Variants in HJURP observed in about 807,000 individuals in gnomAD.
The protein encoded by HJURP is Holliday junction recognition protein.
Under a neutral mutation model 72.0 loss-of-function variants are expected in HJURP, and 49 were observed. The observed-to-expected ratio is 0.68, with a 90% CI of 0.54 to 0.86. The LOEUF (loss-of-function observed/expected upper bound fraction) is 0.86, where lower values mean the gene tolerates loss of function less well. HJURP is among the 40% of genes least tolerant of loss of function. The pLI, the probability that HJURP is intolerant of heterozygous loss-of-function variation, is 0.00. For missense variants in HJURP, 908 were observed against 936.3 expected (o/e 0.97, Z 0.39); for synonymous variants, 357 against 347.1 (o/e 1.03, Z -0.32).
intron 5 of HJURP, 63 bp downstream of exon 5, chr2:233,847,334 T>A: frequency 7.6e-7 from 1 of 1,317,788 alleles, no homozygotes; most frequent in African/African-American, 1.4e-5. Flanking sequence ...CACATGGGCT[T>A]TGATGGACCC....
chr2:233,838,855 A>G (rs1205296922), intron 8 of HJURP, among the ~76,000 whole-genome samples: 1 of 152,168 alleles, frequency 6.6e-6, no homozygotes, highest in African/African-American at 2.4e-5. Flanking sequence ...GCTGAAAGTC[A>G]CCCGGCTGGT....
intron 6 of HJURP, among the ~76,000 whole-genome samples, chr2:233,844,612 C>G (rs576888225): frequency 1.3e-5 from 2 of 152,128 alleles, no homozygotes; most frequent in South Asian, 2.1e-4. Context: ...GCCAACCGGA[C>G]GGTGGACAAA....
rs3841510 is a variant in HJURP at position 233,846,018 on chromosome 2, G to GACACAC, written c.403-204_403-199dup. 1.4e-5 allele frequency: 7 copies of GACACAC among 486,860 alleles called. No homozygotes were observed. The highest frequency in any genetic ancestry group is 1.1e-4 in the African/African-American group (5 of 47,272). The allele number at this position is 486,860 out of a possible 1,614,324, so 30.2% of individuals were successfully genotyped here. A position where few individuals can be genotyped will look rare whatever the true frequency, so the allele number is the denominator to read the frequency against. On this transcript the variant is annotated intron_variant, in intron 5 of 8. Transcript: ENST00000411486. The surrounding 1 kb of genome is among the most constrained non-coding windows in gnomAD (Gnocchi z 4.3). ...TTAATAATCCAAAAGAATGTAAAAA[G>GACACAC]ACACACACACACAAAAAAACCATGT...
chr2:233,844,644 G>C (rs192684968), intron 6 of HJURP, among the ~76,000 whole-genome samples: 1 of 152,276 alleles, frequency 6.6e-6, no homozygotes, highest in East Asian at 1.9e-4. Flanking sequence ...AGATCCGTTC[G>C]TTCCTAACCC....
In HJURP at chr2:233,841,374, C is replaced by G. The variant is rs780528833; in HGVS notation, c.1406G>C (p.Gly469Ala). Residue 469 changes from glycine to alanine, a missense_variant, in exon 8 of 9, where the codon GGG (glycine) becomes GCG (alanine). This residue lies in a region of HJURP where 598 missense variants were observed against 619.5 expected (regional missense o/e 0.97). Transcript: ENST00000411486. Reference sequence around the variant, plus strand: ...AAGGCCACCAGGACTCGCAGGACCCCCTCTGTACATGTTCATGGCCCAGGA... The same window carrying G: ...AAGGCCACCAGGACTCGCAGGACCCGCTCTGTACATGTTCATGGCCCAGGA... ...PDSWAMNMYR[G>A]GPASPGGLQG... 90 of 1,614,024 alleles carry G rather than the reference C, an allele frequency of 5.6e-5. No homozygotes were observed. The highest frequency in any genetic ancestry group is 7.3e-5 in the Non-Finnish European group (86 of 1,180,026).
intron 7 of HJURP, 146 bp from the exon 8 acceptor site, chr2:233,842,351 A>C (rs1574643700): frequency 1.6e-6 from 1 of 633,340 alleles, no homozygotes. Context: ...GTAGGAGTAG[A>C]CTCTTCTCAG....
At chr2:233,852,645 C>T (rs1346019546) in intron 2 of HJURP, 25 bp from the exon 3 acceptor site, 4 of 1,548,866 alleles carry the variant, frequency 2.6e-6, no homozygotes, top group South Asian at 1.1e-5. Flanking sequence ...CAAAAATGAC[C>T]ATTTACATAA....
chr2:233,837,617 C>G lies in HJURP; in HGVS notation c.2207G>C (p.Ser736Thr). The G allele has an allele frequency of 1.2e-6, 2 of 1,611,590 alleles. No homozygotes were observed. Among genetic ancestry groups the G allele is most frequent in the Non-Finnish European group, 1.7e-6 (2 of 1,178,430 alleles). The change falls in exon 9 of 9, where the codon AGT (serine) becomes ACT (threonine). Residue 736 changes from serine (S) to threonine (T), a missense_variant. This residue lies in a region of HJURP where 598 missense variants were observed against 619.5 expected (regional missense o/e 0.97). Coordinates refer to ENST00000411486, the MANE Select transcript of HJURP (RefSeq NM_018410.5). ...ENTSYRMEEKSDFMLEKLETK... is the reference protein window; with the variant it reads ...ENTSYRMEEKTDFMLEKLETK... ...TTCCAATTTTTCTAGCATGAAATCA[C>G]TTTTCTCTTCCATCCTGTAAGACGT...
At chr2:233,838,572 A>G (rs1359062173) in intron 8 of HJURP, among the ~76,000 whole-genome samples, 1 of 152,060 alleles carries the variant, frequency 6.6e-6, no homozygotes, top group Admixed American at 6.5e-5. Flanking sequence ...TAAAAGGAAG[A>G]GCTGGGGCAC....
At chr2:233,839,361 G>A (rs1574639765) in intron 8 of HJURP, among the ~76,000 whole-genome samples, 1 of 152,334 alleles carries the variant, frequency 6.6e-6, no homozygotes, top group Non-Finnish European at 1.5e-5. Flanking sequence ...GATGTCCGAG[G>A]ATGCAATAGC....
At chr2:233,852,365 TAC>T (rs1358523490) in intron 3 of HJURP, among the ~76,000 whole-genome samples, 198 bp downstream of exon 3, 1 of 152,208 alleles carries the variant, frequency 6.6e-6, no homozygotes, top group East Asian at 1.9e-4. Flanking sequence ...GGCCAAATAT[TAC>T]ACAGTGACTC....
intron 3 of HJURP, among the ~76,000 whole-genome samples, chr2:233,852,001 G>A (rs1409114586): frequency 1.3e-5 from 2 of 152,116 alleles, no homozygotes; most frequent in African/African-American, 4.8e-5. Flanking sequence ...CCGTAGAAAG[G>A]CCAACAGCAC....
rs1388542411 is a variant in HJURP, at chr2:233,845,827, A to G, written c.403-7T>C. 6.3e-7 allele frequency: 1 copy of G among 1,597,354 alleles called. No homozygotes were observed. The highest frequency in any genetic ancestry group is 1.7e-5 in the Admixed American group (1 of 58,090). On this transcript the variant is annotated splice_region_variant and splice_polypyrimidine_tract_variant and intron_variant, in intron 5 of 8. Transcript: ENST00000411486. Reference sequence around the variant, plus strand: ...GGCTTTGAGGCACTGCAGGCTGATCAAAAAAGAGAAGTCAGAATTTTTAAG... The same window carrying G: ...GGCTTTGAGGCACTGCAGGCTGATCGAAAAAGAGAAGTCAGAATTTTTAAG...
chr2:233,849,347 G>C (rs1198746853), intron 4 of HJURP, among the ~76,000 whole-genome samples: 2 of 152,186 alleles, frequency 1.3e-5, no homozygotes, highest in South Asian at 2.1e-4. Context: ...AGATTCCCTA[G>C]AAAAGAGGAC....
intron 2 of HJURP, among the ~76,000 whole-genome samples, chr2:233,852,894 G>A (rs1292980967): frequency 6.6e-6 from 1 of 152,190 alleles, no homozygotes; most frequent in African/African-American, 2.4e-5. Flanking sequence ...AGGAACATAT[G>A]ACAGCGACTG....
At chr2:233,852,011 C>A (rs1178207655) in intron 3 of HJURP, among the ~76,000 whole-genome samples, 1 of 152,154 alleles carries the variant, frequency 6.6e-6, no homozygotes, top group Non-Finnish European at 1.5e-5. Context: ...GCCAACAGCA[C>A]CTTCCACTAA....
Position 233,854,526 on chromosome 2 carries a change from A to T in HJURP, c.-26T>A. 6.5e-7 allele frequency: 1 copy of T among 1,545,022 alleles called. No individual in the cohort carries two copies. The highest frequency in any genetic ancestry group is 8.9e-7 in the Non-Finnish European group (1 of 1,126,440). The stretch of plus-strand genomic sequence containing the variant: ...CGGACCCAGCCAGTACCCAAGCGCC[A>T]ACCCGGACTGCAGGGCCTCGCGCGC... On this transcript the variant is annotated 5_prime_UTR_variant, in exon 1 of 9. Coordinates refer to ENST00000411486, the MANE Select transcript of HJURP (RefSeq NM_018410.5).
chr2:233,847,505 G>A, intron 4 of HJURP, 44 bp from the exon 5 acceptor site: 1 of 1,525,406 alleles, frequency 6.6e-7, no homozygotes, highest in Admixed American at 1.7e-5. Flanking sequence ...TTTCAGGAAG[G>A]AGTGCATTTT....
rs1301766406 is a variant in HJURP at position 233,836,864 on chromosome 2, C to T, written c.*713G>A. 1 of 152,200 alleles carries T rather than the reference C, an allele frequency of 6.6e-6. No homozygotes were observed. Among genetic ancestry groups the T allele is most frequent in the African/African-American group, 2.4e-5 (1 of 41,436 alleles). 9.4% of individuals were successfully genotyped at this position (152,200 alleles called of 1,614,324 possible). On this transcript the variant is annotated 3_prime_UTR_variant, in exon 9 of 9. Coordinates refer to ENST00000411486, the MANE Select transcript of HJURP (RefSeq NM_018410.5). ...CTGTGGCTGCAGGAGCGTCTGGGAC[C>T]ACCAGGACTGTTTATTTTCCTTCAA...
Sources: gnomAD v4.1 joint callset for allele counts (sites outside exome capture counted in the v4.1 genomes callset) on GRCh38, gnomAD v4.1.1 for gene constraint, gnomAD v4.1.1 regional missense constraint, Gnocchi (gnomAD v3.1) non-coding constraint, MANE v1.5 for transcripts, NCBI Gene and HGNC (gene_info 2026-07-23, HGNC 2026-07-21) for gene names.